Variants in LDLRAD4 observed in about 807,000 individuals in gnomAD.
LDLRAD4 encodes low density lipoprotein receptor class A domain containing 4.
A neutral mutation model predicts 17.0 loss-of-function variants in LDLRAD4; 5 were observed. The ratio of observed to expected loss-of-function variants is 0.29; its 90% CI spans 0.15 to 0.62. The LOEUF is 0.62. Ranked by LOEUF, LDLRAD4 falls within the 20% of genes least tolerant of loss-of-function variation. The pLI, the probability that LDLRAD4 is intolerant of heterozygous loss-of-function variation, is 0.84. For missense variants in LDLRAD4, 340 were observed against 424.7 expected, an observed-to-expected ratio of 0.80 and a Z score of 1.75; for synonymous variants, 168 against 171.8, an observed-to-expected ratio of 0.98 and a Z score of 0.17.
chr18:13,480,326 C>T lies in LDLRAD4; in HGVS notation c.181+41942C>T, dbSNP rs574111576. ...GTGAAAGAAGCCAGTCTGAAAGCTA[C>T]GTACAGTGTGAGTCCAACTGTGTGA... On this transcript the variant is annotated intron_variant, in intron 3 of 5. Coordinates refer to ENST00000359446, the Ensembl canonical transcript of LDLRAD4. Among the ~76,000 whole-genome samples the T allele has an allele frequency of 6.6e-5, 10 of 152,278 alleles. 1 individual carries two copies. The South Asian group carries it at 1.2e-3, about 19-fold the overall frequency.
chr18:13,585,902 A>C (rs1339979924), intron 3 of LDLRAD4, among the ~76,000 whole-genome samples: 1 of 152,240 alleles, frequency 6.6e-6, no homozygotes, highest in Non-Finnish European at 1.5e-5. Flanking sequence ...TAATATCTGC[A>C]AACTTACTTC....
At chr18:13,453,255 G>T (rs750681809) in intron 3 of LDLRAD4, among the ~76,000 whole-genome samples, 2 of 152,164 alleles carry the variant, frequency 1.3e-5, no homozygotes, top group Non-Finnish European at 2.9e-5. Flanking sequence ...GAGGAGGCCC[G>T]TGAACTGGTG....
chr18:13,402,838 T>C (rs979468120), intron 2 of LDLRAD4, among the ~76,000 whole-genome samples: 1 of 152,166 alleles, frequency 6.6e-6, no homozygotes, highest in East Asian at 1.9e-4. Context: ...GGAACATGGG[T>C]AAAGGTGATG....
At chr18:13,543,633 C>T (rs2094318085) in intron 3 of LDLRAD4, 1 of 152,152 alleles carries the variant, frequency 6.6e-6, no homozygotes, top group Admixed American at 6.5e-5. Flanking sequence ...ATCTTTGTAC[C>T]TTCACTTTCT....
At chr18:13,264,698 T>G (rs537176622) in intron 1 of LDLRAD4, among the ~76,000 whole-genome samples, 59 of 152,396 alleles carry the variant, frequency 3.9e-4, no homozygotes, top group Middle Eastern at 3.4e-3. Context: ...TGTGAGGTGA[T>G]TCTGCGTAGC....
intron 3 of LDLRAD4, among the ~76,000 whole-genome samples, chr18:13,496,026 C>G (rs2093462482): frequency 6.6e-6 from 1 of 152,202 alleles, no homozygotes; most frequent in Non-Finnish European, 1.5e-5. Context: ...CACCACCCGC[C>G]TGGCCTCCCT....
At chr18:13,571,284 T>C (rs894986362) in intron 3 of LDLRAD4, among the ~76,000 whole-genome samples, 1 of 152,204 alleles carries the variant, frequency 6.6e-6, no homozygotes, top group African/African-American at 2.4e-5. Context: ...GCCACTGTGG[T>C]CAGAAGCTGG....
intron 1 of LDLRAD4, among the ~76,000 whole-genome samples, chr18:13,290,604 C>G (rs771684254): frequency 1.3e-5 from 2 of 150,570 alleles, no homozygotes; most frequent in Non-Finnish European, 2.9e-5. Flanking sequence ...TTTTTTGGCA[C>G]CTGCTTCTTG....
intron 2 of LDLRAD4, chr18:13,420,940 T>A (rs1204036871): frequency 2.0e-5 from 3 of 152,172 alleles, no homozygotes; most frequent in African/African-American, 4.8e-5. Context: ...TTCAGCAAGG[T>A]GCCCTCATGC....
chr18:13,512,018 T>C (rs931135159), intron 3 of LDLRAD4, among the ~76,000 whole-genome samples: 4 of 152,242 alleles, frequency 2.6e-5, no homozygotes, highest in Non-Finnish European at 5.9e-5. Flanking sequence ...TCTTTATGCA[T>C]AGAAATTAAG....
chr18:13,407,797 A>T (rs936306444), intron 2 of LDLRAD4, among the ~76,000 whole-genome samples: 1 of 152,166 alleles, frequency 6.6e-6, no homozygotes, highest in Admixed American at 6.5e-5. Flanking sequence ...TTTTAATGAC[A>T]TATTTGTGTG....
intron 1 of LDLRAD4, among the ~76,000 whole-genome samples, chr18:13,349,064 G>A (rs986330999): frequency 3.3e-5 from 5 of 152,182 alleles, no homozygotes; most frequent in Non-Finnish European, 5.9e-5. Context: ...CACGCTCGGT[G>A]CGCTGCCCCC....
At chr18:13,592,845 G>A (rs775562252) in intron 3 of LDLRAD4, among the ~76,000 whole-genome samples, 1 of 152,170 alleles carries the variant, frequency 6.6e-6, no homozygotes, top group Middle Eastern at 3.2e-3. Flanking sequence ...AAAGGGAGTG[G>A]AAAGAGACCA....
rs1186903947 is a variant in LDLRAD4, at chr18:13,650,303, C to CT, written c.*4647dup. ...ACTGGATGCATTAGGAAGCTGCTGT[C>CT]TGAGTGTAGGAATGTCTTGCTAAGA... On this transcript the variant is annotated 3_prime_UTR_variant, in exon 6 of 6. Transcript: ENST00000359446. 13 of 404,314 alleles carry CT rather than the reference C, an allele frequency of 3.2e-5. No individual in the cohort carries two copies. In the South Asian group the frequency reaches 7.3e-4, roughly 23 times the overall value. 25.0% of individuals were successfully genotyped at this position (404,314 alleles called of 1,614,324 possible). A position where few individuals can be genotyped will look rare whatever the true frequency, so the allele number is the denominator to read the frequency against.
chr18:13,567,752 TA>T (rs3833176), intron 3 of LDLRAD4, among the ~76,000 whole-genome samples: 28,270 of 150,114 alleles, frequency 0.19, 2,830 homozygotes, highest in Non-Finnish European at 0.22. Context: ...CTTTTTTTGT[TA>T]AAAAAAAAAA....
At position 13,609,906 on chromosome 18, in the gene LDLRAD4, G is replaced by A. The variant is rs533973665; in HGVS notation, c.182-11211G>A. 2.4e-4 allele frequency among the ~76,000 whole-genome samples: 36 copies of A among 152,250 alleles called. 1 individual carries two copies. The highest frequency in any genetic ancestry group is 6.5e-4 in the Admixed American group (10 of 15,286). On this transcript the variant is annotated intron_variant, in intron 3 of 5. Transcript: ENST00000359446. ...CTGAGGTGGGAGAATCACTTGAACC[G>A]GGGAGACAGAGGTTGCAGTAATCAG...
At chr18:13,625,953 G>A (rs1255133097) in intron 4 of LDLRAD4, among the ~76,000 whole-genome samples, 1 of 151,286 alleles carries the variant, frequency 6.6e-6, no homozygotes, top group Admixed American at 6.6e-5. Context: ...CTGCATGAAC[G>A]TGATGGGTGT....
chr18:13,534,066 T>C (rs1483570332), intron 3 of LDLRAD4, among the ~76,000 whole-genome samples: 1 of 152,188 alleles, frequency 6.6e-6, no homozygotes, highest in African/African-American at 2.4e-5. Flanking sequence ...CTATGAATTG[T>C]TGGAACCAGC....
Position 13,437,559 on chromosome 18 carries a change from C to T in LDLRAD4, c.41-685C>T, listed in dbSNP as rs555785516. On this transcript the variant is annotated intron_variant, in intron 2 of 5. Transcript: ENST00000359446. ...TTTAGGGAGCCTGTGTTCAGTGTGGCCTATAAGGATTTGGGTATGGGACCT... is the reference window on the plus strand; with the variant it reads ...TTTAGGGAGCCTGTGTTCAGTGTGGTCTATAAGGATTTGGGTATGGGACCT... Among the ~76,000 whole-genome samples, 7 of 152,166 alleles carry T rather than the reference C, an allele frequency of 4.6e-5. 1 individual carries two copies. In the South Asian group the frequency reaches 1.5e-3, roughly 32 times the overall value.
Sources: allele counts gnomAD v4.1 joint callset (sites outside exome capture counted in the v4.1 genomes callset), GRCh38; gene constraint gnomAD v4.1.1; transcripts MANE v1.5; gene names NCBI Gene and HGNC (gene_info 2026-07-23, HGNC 2026-07-21).